ARHGAP15: variants seen among roughly 807,000 people sequenced by gnomAD.
The protein encoded by ARHGAP15 is rho GTPase-activating protein 15.
A neutral mutation model predicts 63.7 loss-of-function variants in ARHGAP15; 51 were observed. That is an observed-to-expected ratio of 0.80 (90% CI 0.64 to 1.01). The LOEUF is 1.01. ARHGAP15 is among the 50% of genes least tolerant of loss of function. The pLI, the probability that ARHGAP15 is intolerant of heterozygous loss-of-function variation, is 0.00. For synonymous variants in ARHGAP15, 191 were observed against 193.8 expected, an observed-to-expected ratio of 0.99 and a Z score of 0.12; for missense variants, 560 against 564.6, an observed-to-expected ratio of 0.99 and a Z score of 0.08.
At chr2:143,413,927 TTGTGTGTG>T (rs1553476588) in intron 6 of ARHGAP15, among the ~76,000 whole-genome samples, 18 of 127,992 alleles carry the variant, frequency 1.4e-4, no homozygotes, top group African/African-American at 2.8e-4. Context: ...AGGTAGGTAG[TTGTGTGTG>T]TGTGTGTGTG....
chr2:143,153,843 T>TTCCTCCTCCTCCTCCTCCTCC lies in ARHGAP15; in HGVS notation c.-14-1625_-14-1605dup, dbSNP rs796483071. 3.5e-4 allele frequency among the ~76,000 whole-genome samples: 30 copies of TTCCTCCTCCTCCTCCTCCTCC among 86,890 alleles called. 1 individual carries two copies. Among genetic ancestry groups the TTCCTCCTCCTCCTCCTCCTCC allele is most frequent in the African/African-American group, 1.0e-3 (21 of 21,044 alleles). The allele number at this position is 86,890 out of a possible 152,430, so 57.0% of individuals were successfully genotyped here. A position where few individuals can be genotyped will look rare whatever the true frequency, so the allele number is the denominator to read the frequency against. On this transcript the variant is annotated intron_variant, in intron 1 of 13. Transcript: ENST00000295095. ...CTTCTTCTTCTTCTTCTTCTTCTTC[T>TTCCTCCTCCTCCTCCTCCTCC]TCCTCCTCCTCCTCCTCCTCCTCCT...
intron 6 of ARHGAP15, among the ~76,000 whole-genome samples, chr2:143,298,132 G>GGGAACAA (rs1229084630): frequency 1.3e-5 from 2 of 151,896 alleles, no homozygotes; most frequent in African/African-American, 4.8e-5. Flanking sequence ...AAAACAAATA[G>GGGAACAA]ATAACTAGAG....
intron 6 of ARHGAP15, among the ~76,000 whole-genome samples, chr2:143,336,490 A>G (rs1282090868): frequency 6.6e-6 from 1 of 152,176 alleles, no homozygotes; most frequent in African/African-American, 2.4e-5. Context: ...AAGACAAAAT[A>G]ATTATTAGAT....
chr2:143,263,940 T>G (rs1022897433), intron 6 of ARHGAP15, among the ~76,000 whole-genome samples: 5 of 128,450 alleles, frequency 3.9e-5, no homozygotes, highest in Non-Finnish European at 6.5e-5. Context: ...TTTTTTTTTT[T>G]TTTGTGCTCA....
At chr2:143,262,572 C>T (rs1343256395) in intron 6 of ARHGAP15, among the ~76,000 whole-genome samples, 1 of 110,896 alleles carries the variant, frequency 9.0e-6, no homozygotes, top group Non-Finnish European at 1.9e-5. Flanking sequence ...TTTGTCACGC[C>T]CTGTTCACTG....
chr2:143,630,934 T>G (rs1343835262), intron 12 of ARHGAP15, among the ~76,000 whole-genome samples: 1 of 152,098 alleles, frequency 6.6e-6, no homozygotes, highest in Non-Finnish European at 1.5e-5. Context: ...ATCTCTGTTA[T>G]TCCCAAAAGT....
chr2:143,626,451 T>G (rs1419889809), intron 12 of ARHGAP15, among the ~76,000 whole-genome samples: 1 of 152,062 alleles, frequency 6.6e-6, no homozygotes, highest in Non-Finnish European at 1.5e-5. Flanking sequence ...ACCTTCTAGG[T>G]GAGTGTTACA....
At chr2:143,560,018 ATTT>A (rs1695958558) in intron 11 of ARHGAP15, among the ~76,000 whole-genome samples, 1 of 152,182 alleles carries the variant, frequency 6.6e-6, no homozygotes, top group East Asian at 1.9e-4. Context: ...ATAAAAACTG[ATTT>A]TTGAGATTTT....
At chr2:143,258,726 A>T (rs1320161978) in intron 6 of ARHGAP15, among the ~76,000 whole-genome samples, 1 of 152,130 alleles carries the variant, frequency 6.6e-6, no homozygotes, top group Admixed American at 6.6e-5. Context: ...TTTTCAGATA[A>T]CACTGATGGG....
chr2:143,636,397 A>T (rs539323003), intron 12 of ARHGAP15, among the ~76,000 whole-genome samples: 1 of 152,286 alleles, frequency 6.6e-6, no homozygotes, highest in East Asian at 1.9e-4. Flanking sequence ...TCATGTTATG[A>T]AAATGTTTTA....
intron 6 of ARHGAP15, among the ~76,000 whole-genome samples, chr2:143,410,978 C>T (rs1038352710): frequency 3.3e-5 from 5 of 152,026 alleles, no homozygotes; most frequent in South Asian, 2.1e-4. Flanking sequence ...CCAAGGCAGA[C>T]GGATCACCTG....
At chr2:143,477,188 TCGCA>T (rs201298991) in intron 8 of ARHGAP15, among the ~76,000 whole-genome samples, 257 of 145,812 alleles carry the variant, frequency 1.8e-3, no homozygotes, top group African/African-American at 6.7e-3. Flanking sequence ...ACACACATGC[TCGCA>T]CACACACACA....
intron 6 of ARHGAP15, among the ~76,000 whole-genome samples, chr2:143,313,671 A>G (rs1009884460): frequency 1.3e-5 from 2 of 152,166 alleles, no homozygotes; most frequent in Admixed American, 6.5e-5. Context: ...GGTAGAGTCT[A>G]TCTTTAGGTT....
intron 4 of ARHGAP15, among the ~76,000 whole-genome samples, chr2:143,221,750 T>C (rs992887110): frequency 6.6e-6 from 1 of 152,060 alleles, no homozygotes; most frequent in Non-Finnish European, 1.5e-5. Context: ...CAATATAGAG[T>C]CACATTCTTC....
At chr2:143,281,080 T>C (rs1468114930) in intron 6 of ARHGAP15, among the ~76,000 whole-genome samples, 3 of 152,144 alleles carry the variant, frequency 2.0e-5, no homozygotes, top group Non-Finnish European at 2.9e-5. Flanking sequence ...TACACCCATT[T>C]TACAAATCAA....
At chr2:143,403,829 A>G (rs1200553160) in intron 6 of ARHGAP15, among the ~76,000 whole-genome samples, 3 of 151,822 alleles carry the variant, frequency 2.0e-5, no homozygotes, top group Non-Finnish European at 2.9e-5. Flanking sequence ...TTCTATTATG[A>G]GTATATGAAG....
chr2:143,414,991 AAATC>A (rs1202710803), intron 6 of ARHGAP15, among the ~76,000 whole-genome samples: 1 of 152,188 alleles, frequency 6.6e-6, no homozygotes, highest in Non-Finnish European at 1.5e-5. Flanking sequence ...CCAGAAAACA[AAATC>A]AAGCAAGGAT....
intron 8 of ARHGAP15, among the ~76,000 whole-genome samples, chr2:143,457,915 TTACA>T (rs1690738599): frequency 6.6e-6 from 1 of 151,724 alleles, no homozygotes; most frequent in African/African-American, 2.4e-5. Flanking sequence ...AGTAAAACAA[TTACA>T]TAAGAAATAT....
At chr2:143,540,988 A>C (rs908996996) in intron 10 of ARHGAP15, among the ~76,000 whole-genome samples, 4 of 151,984 alleles carry the variant, frequency 2.6e-5, no homozygotes, top group Non-Finnish European at 5.9e-5. Flanking sequence ...ACTTGGTTCC[A>C]TTTTCCCGCT....
Sources: allele counts gnomAD v4.1 joint callset (sites outside exome capture counted in the v4.1 genomes callset), GRCh38; gene constraint gnomAD v4.1.1; transcripts MANE v1.5; gene names NCBI Gene and HGNC (gene_info 2026-07-23, HGNC 2026-07-21).